Variants in KCNQ3 observed in about 807,000 individuals in gnomAD.
KCNQ3 encodes the protein potassium voltage-gated channel subfamily Q member 3, also known as potassium voltage-gated channel subfamily KQT member 3.
In KCNQ3, 30 loss-of-function variants were observed where a neutral mutation model predicts 92.5. The ratio of observed to expected loss-of-function variants is 0.32; its 90% CI spans 0.24 to 0.44. The LOEUF (loss-of-function observed/expected upper bound fraction) is 0.44. Ranked by LOEUF, KCNQ3 falls within the 20% of genes least tolerant of loss-of-function variation. The pLI is 1.00. For missense variants in KCNQ3, 913 were observed against 1,140.3 expected (o/e 0.80, Z 2.87); for synonymous variants, 450 against 468.8 (o/e 0.96, Z 0.52).
chr8:132,197,537 C>T (rs1313006203), intron 1 of KCNQ3, among the ~76,000 whole-genome samples: 1 of 152,174 alleles, frequency 6.6e-6, no homozygotes, highest in Non-Finnish European at 1.5e-5. Context: ...ATCCTCTGGC[C>T]ACACTAAGTG....
rs182788823 is a variant in KCNQ3, at chr8:132,245,672, A to G, written c.387-59491T>C. Among the ~76,000 whole-genome samples the G allele has an allele frequency of 4.9e-3, 744 of 152,262 alleles. 7 individuals are homozygous for G. Among genetic ancestry groups the G allele is most frequent in the African/African-American group, 0.017 (720 of 41,556 alleles). On this transcript the variant is annotated intron_variant, in intron 1 of 14. Transcript: ENST00000388996. Reference sequence around the variant, plus strand: ...ATAATGTCTCTCACACAACTGTGTCACACTCAACGTATCATTTTCCCATTC... The same window carrying G: ...ATAATGTCTCTCACACAACTGTGTCGCACTCAACGTATCATTTTCCCATTC...
chr8:132,449,789 CA>C (rs1330623763), intron 1 of KCNQ3, among the ~76,000 whole-genome samples: 1 of 152,176 alleles, frequency 6.6e-6, no homozygotes, highest in East Asian at 1.9e-4. Flanking sequence ...GATCAAGGGT[CA>C]AGGCTAGTTT....
chr8:132,232,199 C>A (rs529476629), intron 1 of KCNQ3, among the ~76,000 whole-genome samples: 2 of 152,314 alleles, frequency 1.3e-5, no homozygotes, highest in South Asian at 2.1e-4. Context: ...ATGATCAAGG[C>A]ACTTCAAGCA....
intron 1 of KCNQ3, chr8:132,277,917 C>A (rs1816390486): frequency 1.0e-6 from 1 of 983,360 alleles, no homozygotes; most frequent in South Asian, 4.7e-5. Context: ...CTCCTACCTC[C>A]CTCTCCTTAG....
In KCNQ3 at chr8:132,156,138, C is replaced by T. The variant is rs75651968; in HGVS notation, c.1262+7330G>A. ...ATAAGAAATGTTTTCTCCATTTACCCAAATCTCTTGTCTGAATAATACACC... is the reference window on the plus strand; with the variant it reads ...ATAAGAAATGTTTTCTCCATTTACCTAAATCTCTTGTCTGAATAATACACC... On this transcript the variant is annotated intron_variant, in intron 9 of 14. Coordinates refer to ENST00000388996, the MANE Select transcript of KCNQ3 (RefSeq NM_004519.4). Among the ~76,000 whole-genome samples, 1,275 of 151,988 alleles carry T rather than the reference C, an allele frequency of 8.4e-3. 10 individuals are homozygous for T. The highest frequency in any genetic ancestry group is 0.014 in the Non-Finnish European group (925 of 67,968).
intron 1 of KCNQ3, among the ~76,000 whole-genome samples, chr8:132,211,100 C>A (rs939250719): frequency 6.6e-6 from 1 of 152,192 alleles, no homozygotes; most frequent in African/African-American, 2.4e-5. Flanking sequence ...GCCTACTGGG[C>A]CCTCACTGAA....
intron 1 of KCNQ3, among the ~76,000 whole-genome samples, chr8:132,220,570 G>A (rs1814192696): frequency 6.6e-6 from 1 of 152,084 alleles, no homozygotes; most frequent in Admixed American, 6.6e-5. Context: ...CCAACATGGT[G>A]AAATCCTGTC....
intron 1 of KCNQ3, among the ~76,000 whole-genome samples, chr8:132,356,329 G>A (rs1819016770): frequency 6.6e-6 from 1 of 152,234 alleles, no homozygotes; most frequent in South Asian, 2.1e-4. Context: ...AGCAGGGACT[G>A]ATTGAAAAGA....
At chr8:132,289,711 G>T (rs547770882) in intron 1 of KCNQ3, among the ~76,000 whole-genome samples, 9 of 152,124 alleles carry the variant, frequency 5.9e-5, no homozygotes, top group Non-Finnish European at 1.3e-4. Context: ...GAAGAGAGGG[G>T]ATTATTCATT....
chr8:132,266,058 T>C (rs1815971211), intron 1 of KCNQ3, among the ~76,000 whole-genome samples: 2 of 152,168 alleles, frequency 1.3e-5, no homozygotes, highest in African/African-American at 4.8e-5. Context: ...ATTTCTCCTG[T>C]AAAAGGGGAG....
chr8:132,422,398 G>A (rs180974020), intron 1 of KCNQ3, among the ~76,000 whole-genome samples: 57 of 152,248 alleles, frequency 3.7e-4, no homozygotes, highest in East Asian at 1.4e-3. Flanking sequence ...CAGCAGAGCC[G>A]CCAGAGGGAC....
intron 1 of KCNQ3, among the ~76,000 whole-genome samples, chr8:132,192,297 T>C (rs1451465928): frequency 6.6e-6 from 1 of 152,218 alleles, no homozygotes; most frequent in East Asian, 1.9e-4. Context: ...CATTAATTTA[T>C]ACAGCTAAAA....
intron 1 of KCNQ3, among the ~76,000 whole-genome samples, chr8:132,479,628 G>GACACACACACACACACACAC (rs71306386): frequency 6.9e-6 from 1 of 144,162 alleles, no homozygotes; most frequent in Non-Finnish European, 1.5e-5. Flanking sequence ...ACAAGCAAGC[G>GACACACACACACACACACAC]ACACACACAC....
intron 1 of KCNQ3, among the ~76,000 whole-genome samples, chr8:132,451,885 A>G (rs1229923987): frequency 6.6e-6 from 1 of 152,206 alleles, no homozygotes; most frequent in African/African-American, 2.4e-5. Context: ...GTCAGCCTGT[A>G]GTTTCAAGCG....
chr8:132,141,048 G>T, intron 10 of KCNQ3, 81 bp downstream of exon 10: 3 of 1,321,022 alleles, frequency 2.3e-6, no homozygotes, highest in Non-Finnish European at 3.3e-6. Flanking sequence ...TCTTAAGTGG[G>T]CAAAGGGAGA....
intron 1 of KCNQ3, among the ~76,000 whole-genome samples, chr8:132,281,552 A>G (rs982364240): frequency 2.3e-4 from 34 of 150,352 alleles, no homozygotes; most frequent in South Asian, 6.3e-4. Context: ...GTGTGTGTAT[A>G]TATATATATA....
intron 1 of KCNQ3, among the ~76,000 whole-genome samples, chr8:132,186,938 G>GAGAGAGAGAGAGAGAGAGAT: frequency 9.6e-6 from 1 of 104,400 alleles, no homozygotes; most frequent in African/African-American, 4.6e-5. Context: ...GTGTGTGAGA[G>GAGAGAGAGAGAGAGAGAGAT]AGAGAGAGAG....
intron 1 of KCNQ3, among the ~76,000 whole-genome samples, chr8:132,420,403 G>A (rs947072854): frequency 7.4e-4 from 112 of 152,168 alleles, no homozygotes; most frequent in Non-Finnish European, 4.6e-4. Context: ...CACAGATGAT[G>A]AGGGTCCATC....
intron 1 of KCNQ3, among the ~76,000 whole-genome samples, chr8:132,344,043 G>A (rs529366026): frequency 2.0e-3 from 301 of 152,312 alleles, no homozygotes; most frequent in Non-Finnish European, 3.7e-3. Flanking sequence ...CTGCATGCAG[G>A]TGCCTTTGGT....
Sources: allele counts gnomAD v4.1 joint callset (sites outside exome capture counted in the v4.1 genomes callset), GRCh38; gene constraint gnomAD v4.1.1; transcripts MANE v1.5; gene names NCBI Gene and HGNC (gene_info 2026-07-23, HGNC 2026-07-21).